SVOPL: variants seen among roughly 807,000 people sequenced by gnomAD.
SVOPL encodes the protein putative transporter SVOPL.
SVOPL carries 60 observed loss-of-function variants against 61.0 expected under a neutral mutation model. The observed-to-expected ratio is 0.98, with a 90% CI of 0.80 to 1.22. The LOEUF is 1.22. SVOPL is among the 50% of genes most tolerant of loss of function. SVOPL has a pLI of 0.00. For missense variants in SVOPL, 662 were observed against 643.9 expected (o/e 1.03, Z -0.30); for synonymous variants, 279 against 250.0 (o/e 1.12, Z -1.09).
chr7:138,659,845 C>T lies in SVOPL; in HGVS notation c.470+19G>A. 6.4e-7 allele frequency: 1 copy of T among 1,550,526 alleles called. No homozygotes were observed. Among genetic ancestry groups the T allele is most frequent in the Non-Finnish European group, 8.7e-7 (1 of 1,146,244 alleles). ...GGGTACACGTTTCTGTCTCAGGGTC[C>T]CCTGGGTAACATATTTACCCTTGCG... is the stretch of plus-strand genomic sequence containing the variant. On this transcript the variant is annotated intron_variant, in intron 6 of 15. Coordinates refer to ENST00000674285, the MANE Select transcript of SVOPL (RefSeq NM_001139456.2).
chr7:138,608,231 T>C (rs189685361), intron 14 of SVOPL, among the ~76,000 whole-genome samples: 331 of 152,300 alleles, frequency 2.2e-3, no homozygotes, highest in South Asian at 7.0e-3. Flanking sequence ...ACAATTAAAA[T>C]GTTAATAGGA....
At chr7:138,596,821 G>A (rs1469850534) in intron 14 of SVOPL, 72 of 1,118,168 alleles carry the variant, frequency 6.4e-5, no homozygotes, top group Non-Finnish European at 7.7e-5. Context: ...TGGAAAAGAT[G>A]GGGGATCTGC....
chr7:138,621,978 C>G (rs6966196), intron 13 of SVOPL, among the ~76,000 whole-genome samples: 118 of 51,036 alleles, frequency 2.3e-3, no homozygotes, highest in Non-Finnish European at 3.3e-3. Context: ...ATCTATGTAT[C>G]TATCTATCTA....
intron 1 of SVOPL, among the ~76,000 whole-genome samples, chr7:138,687,639 T>C (rs1802849640): frequency 6.6e-6 from 1 of 150,816 alleles, no homozygotes; most frequent in Non-Finnish European, 1.5e-5. Context: ...ACAAAAAAAT[T>C]GGACTTAATA....
At chr7:138,599,887 C>T (rs990001333) in intron 14 of SVOPL, among the ~76,000 whole-genome samples, 1 of 108,938 alleles carries the variant, frequency 9.2e-6, no homozygotes, top group East Asian at 2.7e-4. Context: ...GACTCCGTCT[C>T]AAAAAAAAAA....
chr7:138,632,712 G>A (rs1360240518), intron 9 of SVOPL, among the ~76,000 whole-genome samples: 8 of 151,338 alleles, frequency 5.3e-5, no homozygotes, highest in African/African-American at 1.9e-4. Context: ...TGGGAGACAG[G>A]GGGTTGTGGA....
intron 4 of SVOPL, among the ~76,000 whole-genome samples, chr7:138,664,643 CG>C (rs1200242139): frequency 1.5e-5 from 2 of 131,948 alleles, no homozygotes; most frequent in Non-Finnish European, 3.3e-5. Context: ...CCAGCACCCC[CG>C]ATCCTCCATC....
chr7:138,607,412 A>T (rs988279372), intron 14 of SVOPL, among the ~76,000 whole-genome samples: 4 of 152,242 alleles, frequency 2.6e-5, no homozygotes, highest in African/African-American at 9.6e-5. Flanking sequence ...TCACAAAGAC[A>T]TGGGGAAGCA....
At chr7:138,697,711 G>A (rs1376346250) in intron 1 of SVOPL, among the ~76,000 whole-genome samples, 1 of 148,718 alleles carries the variant, frequency 6.7e-6, no homozygotes, top group Non-Finnish European at 1.5e-5. Flanking sequence ...AGAAGGATAA[G>A]AAGAGGAAGA....
chr7:138,659,287 T>A (rs1272628923), intron 6 of SVOPL, among the ~76,000 whole-genome samples: 1 of 151,700 alleles, frequency 6.6e-6, no homozygotes, highest in Non-Finnish European at 1.5e-5. Flanking sequence ...AGGTCAAGAG[T>A]TCGAGACTAG....
chr7:138,616,537 T>C (rs991271126), intron 14 of SVOPL, among the ~76,000 whole-genome samples: 2 of 152,264 alleles, frequency 1.3e-5, no homozygotes, highest in South Asian at 4.1e-4. Context: ...GGTTTCTCCA[T>C]GTTGGTCAGG....
intron 14 of SVOPL, among the ~76,000 whole-genome samples, chr7:138,606,575 A>G (rs899365491): frequency 2.0e-5 from 3 of 152,104 alleles, no homozygotes; most frequent in African/African-American, 7.2e-5. Flanking sequence ...CTCATTACAC[A>G]AAAAACAAAG....
At chr7:138,617,725 A>C (rs948433483) in intron 14 of SVOPL, among the ~76,000 whole-genome samples, 20 of 152,154 alleles carry the variant, frequency 1.3e-4, no homozygotes, top group Admixed American at 9.8e-4. Context: ...AGTCCCAGCT[A>C]CTTGTGGGGC....
chr7:138,613,310 G>A (rs1427515248), intron 14 of SVOPL, among the ~76,000 whole-genome samples: 1 of 152,120 alleles, frequency 6.6e-6, no homozygotes, highest in Admixed American at 6.5e-5. Context: ...ATGAGCCACC[G>A]TGACAGGCCA....
intron 4 of SVOPL, chr7:138,663,368 G>A: frequency 1.4e-6 from 2 of 1,402,430 alleles, no homozygotes; most frequent in South Asian, 1.6e-5. Flanking sequence ...TGCCCCAGGT[G>A]GAAACGGGGT....
intron 7 of SVOPL, among the ~76,000 whole-genome samples, chr7:138,652,756 C>G (rs1022876697): frequency 6.6e-6 from 1 of 151,998 alleles, no homozygotes; most frequent in Non-Finnish European, 1.5e-5. Flanking sequence ...TCCCAAGTAG[C>G]TGGGATTACA....
intron 13 of SVOPL, among the ~76,000 whole-genome samples, chr7:138,622,078 C>CTATCTATG (rs1563096122): frequency 9.1e-5 from 8 of 87,448 alleles, no homozygotes; most frequent in South Asian, 3.7e-4. Flanking sequence ...ATGTATCTAT[C>CTATCTATG]TATCTATCTA....
chr7:138,662,561 C>T (rs902182384), intron 5 of SVOPL: 7 of 985,722 alleles, frequency 7.1e-6, no homozygotes, highest in African/African-American at 1.7e-5. Context: ...AGGAAAAAAC[C>T]TCCCAATAGG....
At chr7:138,656,338 CTT>C in intron 7 of SVOPL, 108 bp downstream of exon 7, 7 of 1,088,478 alleles carry the variant, frequency 6.4e-6, no homozygotes, top group Non-Finnish European at 9.6e-6. Flanking sequence ...CTGATACTCG[CTT>C]AATTGCAGCG....
Sources: gnomAD v4.1 joint callset for allele counts (sites outside exome capture counted in the v4.1 genomes callset) on GRCh38, gnomAD v4.1.1 for gene constraint, MANE v1.5 for transcripts, NCBI Gene and HGNC (gene_info 2026-07-23, HGNC 2026-07-21) for gene names.